Variants in CAMK2N1 observed in about 807,000 individuals in gnomAD.
CAMK2N1 encodes the protein calcium/calmodulin dependent protein kinase II inhibitor 1.
In CAMK2N1, 2 loss-of-function variants were observed where a neutral mutation model predicts 6.4. The observed-to-expected ratio is 0.31, with a 90% confidence interval of 0.13 to 0.98. The LOEUF (loss-of-function observed/expected upper bound fraction) is 0.98. Among genes scored for constraint, CAMK2N1 ranks in the 50% least tolerant of loss-of-function variants. The pLI is 0.51. For missense variants in CAMK2N1, 77 were observed against 107.3 expected (o/e 0.72, Z 1.25); for synonymous variants, 42 against 47.5 (o/e 0.88, Z 0.47).
chr1:20,485,266 G>A lies in CAMK2N1; in HGVS notation c.114C>T (p.Ala38=), dbSNP rs201611930. The A allele has an allele frequency of 3.1e-4, 488 of 1,597,834 alleles. 1 individual carries two copies. The highest frequency in any genetic ancestry group is 4.3e-4 in the Admixed American group (25 of 58,636). Residue 38 remains alanine (A), a synonymous_variant, in exon 1 of 2, where the codon GCC becomes GCT. Coordinates refer to ENST00000375078, the MANE Select transcript of CAMK2N1 (RefSeq NM_018584.6). This position sits in a 1 kb window ranked among gnomAD's most constrained non-coding sequence, Gnocchi z 8.4. ...GCTTGGGCGGCCGCTTGTTCTGCCC[G>A]GCGCCGAAGAAGTTGTTGGTGTCCT... The part of the protein sequence containing the change: ...RLQDTNNFFG[A]GQNKRPPKLG...
Position 20,483,665 on chromosome 1 carries a change from G to A in CAMK2N1, c.221C>T (p.Ala74Val), listed in dbSNP as rs1280558009. ...DDVLKNMTDK[A>V]PPGV is the part of the protein sequence containing the mutation. ...TTGGGGGAGTTAGACACCAGGAGGT[G>A]CCTTGTCGGTCATATTTTTCAGCAC... The change falls in exon 2 of 2, where the codon GCA becomes GTA. Residue 74 changes from alanine (A) to valine (V), a missense_variant. Coordinates refer to ENST00000375078, the MANE Select transcript of CAMK2N1 (RefSeq NM_018584.6). 2 of 1,613,724 alleles carry A rather than the reference G, an allele frequency of 1.2e-6. No homozygotes were observed. Among genetic ancestry groups the A allele is most frequent in the Non-Finnish European group, 1.7e-6 (2 of 1,179,778 alleles).
rs1570322629 is a variant in CAMK2N1, at chr1:20,484,184, G to A, written c.167-465C>T. ...GGAACCAGGAGGGGACGCCAAAACC[G>A]GTTCCCACGACGCGCAGCGGGTGGG... On this transcript the variant is annotated intron_variant, in intron 1 of 1. Transcript: ENST00000375078. This position sits in a 1 kb window ranked among gnomAD's most constrained non-coding sequence, Gnocchi z 6.8. 1.3e-5 allele frequency among the ~76,000 whole-genome samples: 2 copies of A among 152,164 alleles called. No individual in the cohort carries two copies. Among genetic ancestry groups the A allele is most frequent in the South Asian group, 2.1e-4 (1 of 4,830 alleles).
chr1:20,485,204 G>A lies in CAMK2N1; in HGVS notation c.166+10C>T, dbSNP rs2051501065. 2 of 1,587,634 alleles carry A rather than the reference G, an allele frequency of 1.3e-6. No homozygotes were observed. Among genetic ancestry groups the A allele is most frequent in the Non-Finnish European group, 8.5e-7 (1 of 1,170,372 alleles). On this transcript the variant is annotated intron_variant, in intron 1 of 1. Transcript: ENST00000375078. This position sits in a 1 kb window ranked among gnomAD's most constrained non-coding sequence, Gnocchi z 8.4. ...AAAGGGGGTGTCAGACAAGGGGGCC[G>A]CGAACTCACCCCGCTTGCTCCGGCC...
chr1:20,484,248 G>C lies in CAMK2N1; in HGVS notation c.167-529C>G, dbSNP rs2051492462. On this transcript the variant is annotated intron_variant, in intron 1 of 1. Transcript: ENST00000375078. This position sits in a 1 kb window ranked among gnomAD's most constrained non-coding sequence, Gnocchi z 6.8. ...CCTGGGCGGGCGCCCCCTCCTGCGC[G>C]CCCTCTCCCAGCCGCTGGCCGACTG... The C allele has an allele frequency of 6.5e-6, 1 of 153,146 alleles. No individual in the cohort carries two copies. The highest frequency in any genetic ancestry group is 2.4e-5 in the African/African-American group (1 of 41,474). 9.5% of individuals were successfully genotyped at this position (153,146 alleles called of 1,614,324 possible).
rs1489589338 is a variant in CAMK2N1, at chr1:20,483,154, A to T, written c.*495T>A. On this transcript the variant is annotated 3_prime_UTR_variant, in exon 2 of 2. Transcript: ENST00000375078. The stretch of plus-strand genomic sequence containing the variant: ...CATAAAAAAAATAAAACTGGACAGC[A>T]TTTCACATCCAAGTGCACAGAACCA... The T allele has an allele frequency of 6.6e-6, 1 of 152,658 alleles. No individual in the cohort carries two copies. Among genetic ancestry groups the T allele is most frequent in the Non-Finnish European group, 1.5e-5 (1 of 68,106 alleles). 9.5% of individuals were successfully genotyped at this position (152,658 alleles called of 1,614,324 possible).
In CAMK2N1 at chr1:20,483,627, T is replaced by C; in HGVS notation, c.*22A>G. The stretch of plus-strand genomic sequence containing the variant: ...TTACCGCCGTTCTTATTCTCTCCCT[T>C]AACTCATTGTCTTTGGGGGAGTTAG... On this transcript the variant is annotated 3_prime_UTR_variant, in exon 2 of 2. Transcript: ENST00000375078. 1 of 1,602,088 alleles carries C rather than the reference T, an allele frequency of 6.2e-7. No homozygotes were observed. Among genetic ancestry groups the C allele is most frequent in the Non-Finnish European group, 8.6e-7 (1 of 1,169,028 alleles).
In CAMK2N1 at chr1:20,486,130, TC is replaced by T. The variant is rs2051511805; in HGVS notation, c.-752del. 1 of 119,212 alleles carries T rather than the reference TC, an allele frequency of 8.4e-6. No homozygotes were observed. The highest frequency in any genetic ancestry group is 1.7e-5 in the Non-Finnish European group (1 of 57,360). The allele number at this position is 119,212 out of a possible 1,614,324, so 7.4% of individuals were successfully genotyped here. A position where few individuals can be genotyped will look rare whatever the true frequency, so the allele number is the denominator to read the frequency against. On this transcript the variant is annotated 5_prime_UTR_variant, in exon 1 of 2. Coordinates refer to ENST00000375078, the MANE Select transcript of CAMK2N1 (RefSeq NM_018584.6). The surrounding 1 kb of genome is among the most constrained non-coding windows in gnomAD (Gnocchi z 6.5). ...AGGATCGGGAGGGAGAGGAAGAGGG[TC>T]GGAGAGGGAAGGAAGGGAGAAAAAC...
Position 20,485,133 on chromosome 1 carries a change from C to T in CAMK2N1, c.166+81G>A, listed in dbSNP as rs941139418. On this transcript the variant is annotated intron_variant, in intron 1 of 1. Coordinates refer to ENST00000375078, the MANE Select transcript of CAMK2N1 (RefSeq NM_018584.6). This position sits in a 1 kb window ranked among gnomAD's most constrained non-coding sequence, Gnocchi z 8.4. ...TCCGTCAGGTCTGAACGGGCTCCAGCGGGTGGGAGACCTCCGCAACCCTTG... is the reference window on the plus strand; with the variant it reads ...TCCGTCAGGTCTGAACGGGCTCCAGTGGGTGGGAGACCTCCGCAACCCTTG... 11 of 1,424,918 alleles carry T rather than the reference C, an allele frequency of 7.7e-6. No individual in the cohort carries two copies. In the Admixed American group the frequency reaches 1.1e-4, roughly 15 times the overall value. 88.3% of individuals were successfully genotyped at this position (1,424,918 alleles called of 1,614,324 possible).
Position 20,485,338 on chromosome 1 carries a change from G to A in CAMK2N1, c.42C>T (p.Pro14=). The change falls in exon 1 of 2, where the codon CCC becomes CCT. Residue 14 remains proline (P), a synonymous_variant. Transcript: ENST00000375078. The surrounding 1 kb of genome is among the most constrained non-coding windows in gnomAD (Gnocchi z 8.4). ...VLPYGDEKLS[P]YGDGGDVGQI... ...GGCCCACGTCGCCGCCGTCGCCGTA[G>A]GGGCTCAGCTTCTCGTCGCCGTAGG... 6.4e-7 allele frequency: 1 copy of A among 1,563,292 alleles called. No homozygotes were observed. Among genetic ancestry groups the A allele is most frequent in the East Asian group, 2.4e-5 (1 of 41,560 alleles).
chr1:20,484,193 G>T lies in CAMK2N1; in HGVS notation c.167-474C>A, dbSNP rs1367255686. 1.3e-5 allele frequency among the ~76,000 whole-genome samples: 2 copies of T among 152,174 alleles called. No homozygotes were observed. The highest frequency in any genetic ancestry group is 2.9e-5 in the Non-Finnish European group (2 of 68,028). ...AGGGGACGCCAAAACCGGTTCCCAC[G>T]ACGCGCAGCGGGTGGGGGTTAGGGC... On this transcript the variant is annotated intron_variant, in intron 1 of 1. Transcript: ENST00000375078. The surrounding 1 kb of genome is among the most constrained non-coding windows in gnomAD (Gnocchi z 6.8).
At position 20,483,723 on chromosome 1, in the gene CAMK2N1, C is replaced by A. The variant is rs773343022; in HGVS notation, c.167-4G>T. 2.5e-6 allele frequency: 4 copies of A among 1,613,458 alleles called. No homozygotes were observed. Among genetic ancestry groups the A allele is most frequent in the South Asian group, 1.1e-5 (1 of 91,022 alleles). On this transcript the variant is annotated splice_polypyrimidine_tract_variant and splice_region_variant and intron_variant, in intron 1 of 1. Transcript: ENST00000375078. ...ATCCTATCATCTTCAATAACAACTG[C>A]AAAAAAAGGGGGGAAAAGAGAGGTG...
Position 20,485,427 on chromosome 1 carries a change from C to A in CAMK2N1, c.-48G>T. Reference sequence around the variant, plus strand: ...GCGGCGCCTCCTCCGCCCGCGTCCCCGCCCGCGGCGGACAGGGTCAGCGGC... The same window carrying A: ...GCGGCGCCTCCTCCGCCCGCGTCCCAGCCCGCGGCGGACAGGGTCAGCGGC... On this transcript the variant is annotated 5_prime_UTR_variant, in exon 1 of 2. Transcript: ENST00000375078. This position sits in a 1 kb window ranked among gnomAD's most constrained non-coding sequence, Gnocchi z 8.4. 2 of 1,231,344 alleles carry A rather than the reference C, an allele frequency of 1.6e-6. No individual in the cohort carries two copies. Among genetic ancestry groups the A allele is most frequent in the Non-Finnish European group, 2.0e-6 (2 of 981,120 alleles). 76.3% of individuals were successfully genotyped at this position (1,231,344 alleles called of 1,614,324 possible). A position where few individuals can be genotyped will look rare whatever the true frequency, so the allele number is the denominator to read the frequency against.
Position 20,483,703 on chromosome 1 carries a change from A to G in CAMK2N1, c.183T>C (p.Asp61=). The G allele has an allele frequency of 1.2e-6, 2 of 1,614,000 alleles. No homozygotes were observed. Among genetic ancestry groups the G allele is most frequent in the Non-Finnish European group, 1.7e-6 (2 of 1,179,948 alleles). ...GRSKRVVIED[D]RIDDVLKNMT... ...TATTTTTCAGCACGTCATCAATCCT[A>G]TCATCTTCAATAACAACTGCAAAAA... Residue 61 remains aspartate, a synonymous_variant, in exon 2 of 2, where the codon GAT becomes GAC. Coordinates refer to ENST00000375078, the MANE Select transcript of CAMK2N1 (RefSeq NM_018584.6).
Position 20,483,610 on chromosome 1 carries a change from G to A in CAMK2N1, c.*39C>T, listed in dbSNP as rs1280161794. On this transcript the variant is annotated 3_prime_UTR_variant, in exon 2 of 2. Transcript: ENST00000375078. The stretch of plus-strand genomic sequence containing the variant: ...CTTTTTGCCAATAACTGTTACCGCC[G>A]TTCTTATTCTCTCCCTTAACTCATT... The A allele has an allele frequency of 6.4e-7, 1 of 1,551,800 alleles. No homozygotes were observed. The highest frequency in any genetic ancestry group is 1.7e-5 in the Admixed American group (1 of 59,776).
rs957683219 is a variant in CAMK2N1 at position 20,483,654 on chromosome 1, C to T, written c.232G>A (p.Val78Ile). 1.9e-6 allele frequency: 3 copies of T among 1,613,372 alleles called. No individual in the cohort carries two copies. Among genetic ancestry groups the T allele is most frequent in the Admixed American group, 3.3e-5 (2 of 60,010 alleles). ...ACTCATTGTCTTTGGGGGAGTTAGACACCAGGAGGTGCCTTGTCGGTCATA... is the reference window on the plus strand; with the variant it reads ...ACTCATTGTCTTTGGGGGAGTTAGATACCAGGAGGTGCCTTGTCGGTCATA... ...KNMTDKAPPG[V>I] The change falls in exon 2 of 2, where the codon GTC becomes ATC. Residue 78 changes from valine (V) to isoleucine (I), a missense_variant. Transcript: ENST00000375078.
chr1:20,482,676 A>G lies in CAMK2N1; in HGVS notation c.*973T>C, dbSNP rs1230316388. The G allele has an allele frequency of 6.6e-6, 1 of 152,582 alleles. No individual in the cohort carries two copies. The highest frequency in any genetic ancestry group is 1.5e-5 in the Non-Finnish European group (1 of 68,046). 9.5% of individuals were successfully genotyped at this position (152,582 alleles called of 1,614,324 possible). A position where few individuals can be genotyped will look rare whatever the true frequency, so the allele number is the denominator to read the frequency against. ...TCCTGTACGTGGACTCAGAGCACAGAGAAAAGAAACTAAAATGCCTTTTGG... is the reference window on the plus strand; with the variant it reads ...TCCTGTACGTGGACTCAGAGCACAGGGAAAAGAAACTAAAATGCCTTTTGG... On this transcript the variant is annotated 3_prime_UTR_variant, in exon 2 of 2. Coordinates refer to ENST00000375078, the MANE Select transcript of CAMK2N1 (RefSeq NM_018584.6).
Position 20,485,115 on chromosome 1 carries a change from G to C in CAMK2N1, c.166+99C>G. On this transcript the variant is annotated intron_variant, in intron 1 of 1. Transcript: ENST00000375078. The surrounding 1 kb of genome is among the most constrained non-coding windows in gnomAD (Gnocchi z 8.4). ...AATTCTGCAAGAAGGGATTCCGTCA[G>C]GTCTGAACGGGCTCCAGCGGGTGGG... The C allele has an allele frequency of 7.6e-7, 1 of 1,320,124 alleles. No homozygotes were observed. Among genetic ancestry groups the C allele is most frequent in the Non-Finnish European group, 1.0e-6 (1 of 987,366 alleles). The allele number at this position is 1,320,124 out of a possible 1,614,324, so 81.8% of individuals were successfully genotyped here. A position where few individuals can be genotyped will look rare whatever the true frequency, so the allele number is the denominator to read the frequency against.
Position 20,484,070 on chromosome 1 carries a change from A to G in CAMK2N1, c.167-351T>C, listed in dbSNP as rs982019800. Among the ~76,000 whole-genome samples, 10 of 152,200 alleles carry G rather than the reference A, an allele frequency of 6.6e-5. No individual in the cohort carries two copies. The highest frequency in any genetic ancestry group is 3.2e-3 in the Middle Eastern group (1 of 316). ...AGACAGAAATGTCTGGAGCTGGGATAGGAGAGGGAGCCAAAGTCTTTGGGT... is the reference window on the plus strand; with the variant it reads ...AGACAGAAATGTCTGGAGCTGGGATGGGAGAGGGAGCCAAAGTCTTTGGGT... On this transcript the variant is annotated intron_variant, in intron 1 of 1. Transcript: ENST00000375078. This position sits in a 1 kb window ranked among gnomAD's most constrained non-coding sequence, Gnocchi z 6.8.
At position 20,485,415 on chromosome 1, in the gene CAMK2N1, C is replaced by A; in HGVS notation, c.-36G>T. ...GGGGGCTCCGCCGCGGCGCCTCCTC[C>A]GCCCGCGTCCCCGCCCGCGGCGGAC... On this transcript the variant is annotated 5_prime_UTR_variant, in exon 1 of 2. Transcript: ENST00000375078. The surrounding 1 kb of genome is among the most constrained non-coding windows in gnomAD (Gnocchi z 8.4). 7.9e-7 allele frequency: 1 copy of A among 1,265,816 alleles called. No individual in the cohort carries two copies. Among genetic ancestry groups the A allele is most frequent in the Non-Finnish European group, 1.0e-6 (1 of 1,001,816 alleles). 78.4% of individuals were successfully genotyped at this position (1,265,816 alleles called of 1,614,324 possible). A position where few individuals can be genotyped will look rare whatever the true frequency, so the allele number is the denominator to read the frequency against.
Sources: allele counts gnomAD v4.1 joint callset (sites outside exome capture counted in the v4.1 genomes callset), GRCh38; gene constraint gnomAD v4.1.1; non-coding constraint Gnocchi (gnomAD v3.1); transcripts MANE v1.5; gene names NCBI Gene and HGNC (gene_info 2026-07-23, HGNC 2026-07-21).